ZCCHC2: variants seen among roughly 807,000 people sequenced by gnomAD.
ZCCHC2 encodes zinc finger CCHC domain-containing protein 2.
ZCCHC2 carries 39 observed loss-of-function variants against 103.6 expected under a neutral mutation model. That is an observed-to-expected ratio of 0.38 (90% CI 0.29 to 0.49). The LOEUF is 0.49. Ranked by LOEUF, ZCCHC2 falls within the 20% of genes least tolerant of loss-of-function variation. ZCCHC2 has a pLI of 0.96. For synonymous variants in ZCCHC2, 687 were observed against 608.9 expected, an observed-to-expected ratio of 1.13 and a Z score of -1.89; for missense variants, 1,483 against 1,491.0, an observed-to-expected ratio of 0.99 and a Z score of 0.09.
intron 2 of ZCCHC2, among the ~76,000 whole-genome samples, chr18:62,541,457 G>C (rs1450637442): frequency 1.3e-5 from 2 of 152,036 alleles, no homozygotes; most frequent in Non-Finnish European, 2.9e-5. Context: ...TTGTCACTTT[G>C]TGTATTCCAC....
intron 2 of ZCCHC2, 101 bp from the exon 3 acceptor site, chr18:62,542,397 T>G: frequency 1.3e-6 from 1 of 782,106 alleles, no homozygotes; most frequent in African/African-American, 1.8e-5. Context: ...AGTGAGTAGC[T>G]TAATTGTTAA....
chr18:62,567,567 G>A (rs1271738667), intron 11 of ZCCHC2, among the ~76,000 whole-genome samples: 1 of 152,170 alleles, frequency 6.6e-6, no homozygotes, highest in African/African-American at 2.4e-5. Flanking sequence ...CTGTGTTGTT[G>A]GAGTGTCTTT....
chr18:62,531,134 T>G (rs1276256812), intron 1 of ZCCHC2, among the ~76,000 whole-genome samples: 1 of 152,196 alleles, frequency 6.6e-6, no homozygotes, highest in Non-Finnish European at 1.5e-5. Context: ...ATTGACTGTG[T>G]TTTTCGTTAT....
At chr18:62,557,154 TG>T (rs1201169376) in intron 6 of ZCCHC2, among the ~76,000 whole-genome samples, 2 of 152,252 alleles carry the variant, frequency 1.3e-5, no homozygotes, top group African/African-American at 2.4e-5. Context: ...TGTTGAGTTT[TG>T]CCCTCTTATT....
At chr18:62,543,620 C>T (rs1915293228) in intron 3 of ZCCHC2, among the ~76,000 whole-genome samples, 1 of 152,176 alleles carries the variant, frequency 6.6e-6, no homozygotes, top group Non-Finnish European at 1.5e-5. Context: ...ATGCTCTTCC[C>T]CCATTTCCCC....
Position 62,576,615 on chromosome 18 carries a change from G to A in ZCCHC2, c.*36G>A, listed in dbSNP as rs1310597693. 6.3e-7 allele frequency: 1 copy of A among 1,592,890 alleles called. No individual in the cohort carries two copies. The highest frequency in any genetic ancestry group is 8.6e-7 in the Non-Finnish European group (1 of 1,161,782). ...GCTTGCCTACTTAATACACTCAAGT[G>A]TGGGGAGTCATGGGGTGTGGAGGGG... On this transcript the variant is annotated 3_prime_UTR_variant, in exon 14 of 14. Coordinates refer to ENST00000269499, the MANE Select transcript of ZCCHC2 (RefSeq NM_017742.6).
chr18:62,572,629 G>T (rs920651209), intron 12 of ZCCHC2, among the ~76,000 whole-genome samples: 1 of 152,028 alleles, frequency 6.6e-6, no homozygotes, highest in Non-Finnish European at 1.5e-5. Context: ...TTTCTGTTTG[G>T]GGCTTTACAC....
intron 5 of ZCCHC2, among the ~76,000 whole-genome samples, chr18:62,555,430 A>G (rs968828927): frequency 6.6e-6 from 1 of 152,222 alleles, no homozygotes; most frequent in Admixed American, 6.5e-5. Flanking sequence ...ATAACTACAT[A>G]ATTGACTGTT....
chr18:62,567,632 C>T, intron 11 of ZCCHC2, among the ~76,000 whole-genome samples: 1 of 152,034 alleles, frequency 6.6e-6, no homozygotes, highest in East Asian at 1.9e-4. Context: ...TGCATATTAC[C>T]TCATATAGAG....
rs1396105323 is a variant in ZCCHC2 at position 62,524,078 on chromosome 18, G to A, written c.654G>A (p.Glu218=). The part of the protein sequence containing the change: ...ARGEGSRGGA[E]DERGEDGDGE... ...GCGAGGGCTCGCGGGGCGGCGCGGA[G>A]GACGAGCGCGGCGAGGACGGCGACG... Residue 218 remains glutamate (E), a synonymous_variant, in exon 1 of 14, where the codon GAG becomes GAA. Transcript: ENST00000269499. 3 of 1,508,144 alleles carry A rather than the reference G, an allele frequency of 2.0e-6. No individual in the cohort carries two copies. Among genetic ancestry groups the A allele is most frequent in the African/African-American group, 2.9e-5 (2 of 69,218 alleles). The allele number at this position is 1,508,144 out of a possible 1,614,324, so 93.4% of individuals were successfully genotyped here.
At chr18:62,526,225 G>A (rs945600394) in intron 1 of ZCCHC2, 1 of 152,240 alleles carries the variant, frequency 6.6e-6, no homozygotes, top group African/African-American at 2.4e-5. Context: ...TGAGTGCTGG[G>A]AGGGATGGAC....
intron 5 of ZCCHC2, among the ~76,000 whole-genome samples, chr18:62,554,627 T>A (rs868073796): frequency 6.6e-6 from 1 of 152,210 alleles, no homozygotes; most frequent in South Asian, 2.1e-4. Flanking sequence ...TACATAGTAT[T>A]TGGAGTTATA....
downstream of ZCCHC2, among the ~76,000 whole-genome samples, chr18:62,583,534 C>T (rs1917088640): frequency 6.6e-6 from 1 of 152,188 alleles, no homozygotes; most frequent in Non-Finnish European, 1.5e-5. Context: ...GCTTGGAAGA[C>T]ATCTTTTTCA....
At chr18:62,535,708 G>T (rs1039924006) in intron 1 of ZCCHC2, among the ~76,000 whole-genome samples, 5 of 152,188 alleles carry the variant, frequency 3.3e-5, no homozygotes, top group Admixed American at 1.3e-4. Flanking sequence ...CTTTAGAAGA[G>T]CATCACCACC....
Position 62,527,224 on chromosome 18 carries a change from C to T in ZCCHC2, c.939+2861C>T, listed in dbSNP as rs182414785. 9.8e-4 allele frequency among the ~76,000 whole-genome samples: 149 copies of T among 152,164 alleles called. 5 individuals carry two copies. In the East Asian group the frequency reaches 0.023, roughly 24 times the overall value. On this transcript the variant is annotated intron_variant, in intron 1 of 13. Coordinates refer to ENST00000269499, the MANE Select transcript of ZCCHC2 (RefSeq NM_017742.6). ...CTGGCCCAGAATAGTGCACCTGGCT[C>T]TCACAGGACTTCCTTGTATCCAGTA...
At chr18:62,573,015 T>G (rs1157983660) in intron 12 of ZCCHC2, among the ~76,000 whole-genome samples, 1 of 152,212 alleles carries the variant, frequency 6.6e-6, no homozygotes, top group Non-Finnish European at 1.5e-5. Flanking sequence ...ATACTGTTGA[T>G]GTTCTGTGTC....
At chr18:62,525,503 A>G (rs1914341234) in intron 1 of ZCCHC2, 1 of 144,422 alleles carries the variant, frequency 6.9e-6, no homozygotes, top group Admixed American at 7.0e-5. Context: ...TTGAACGTTA[A>G]TTCAGTATAT....
At chr18:62,529,929 A>G (rs532879786) in intron 1 of ZCCHC2, among the ~76,000 whole-genome samples, 112 of 152,324 alleles carry the variant, frequency 7.4e-4, no homozygotes, top group Admixed American at 5.9e-3. Context: ...TGTAATCCAA[A>G]ACAATACAGT....
intron 3 of ZCCHC2, 109 bp downstream of exon 3, chr18:62,542,683 T>C: frequency 2.1e-6 from 2 of 940,572 alleles, no homozygotes; most frequent in Non-Finnish European, 3.2e-6. Context: ...ATGTTTGTTT[T>C]TAATTAAGAG....
Sources: gnomAD v4.1 joint callset for allele counts (sites outside exome capture counted in the v4.1 genomes callset) on GRCh38, gnomAD v4.1.1 for gene constraint, MANE v1.5 for transcripts, NCBI Gene and HGNC (gene_info 2026-07-23, HGNC 2026-07-21) for gene names.